Variants in MAGI2 observed in about 807,000 individuals in gnomAD.
The protein encoded by MAGI2 is membrane-associated guanylate kinase, WW and PDZ domain-containing protein 2.
A neutral mutation model predicts 133.3 loss-of-function variants in MAGI2; 35 were observed. That is an observed-to-expected ratio of 0.26 (90% CI 0.20 to 0.35). The LOEUF is 0.35. Ranked by LOEUF, MAGI2 falls within the 10% of genes least tolerant of loss-of-function variation. MAGI2 has a pLI of 1.00. For synonymous variants in MAGI2, 729 were observed against 710.6 expected, an observed-to-expected ratio of 1.03 and a Z score of -0.41; for missense variants, 1,636 against 1,863.4, an observed-to-expected ratio of 0.88 and a Z score of 2.25.
intron 20 of MAGI2, among the ~76,000 whole-genome samples, chr7:78,111,627 C>G (rs1466883834): frequency 6.6e-6 from 1 of 152,212 alleles, no homozygotes; most frequent in Admixed American, 6.5e-5. Context: ...TCGTGTAACT[C>G]ATTTAACACA....
intron 3 of MAGI2, among the ~76,000 whole-genome samples, chr7:78,564,877 T>C (rs1800780832): frequency 7.6e-6 from 1 of 130,838 alleles, no homozygotes; most frequent in African/African-American, 2.8e-5. Context: ...CACTGCAAGC[T>C]CCGCCTCCCG....
chr7:78,410,318 A>AAT (rs1797758754), intron 6 of MAGI2, among the ~76,000 whole-genome samples: 1 of 152,066 alleles, frequency 6.6e-6, no homozygotes, highest in Non-Finnish European at 1.5e-5. Context: ...TGAATATAAA[A>AAT]ATAACATTTT....
At chr7:79,054,110 C>T (rs1400639164) in intron 1 of MAGI2, among the ~76,000 whole-genome samples, 1 of 152,060 alleles carries the variant, frequency 6.6e-6, no homozygotes, top group Non-Finnish European at 1.5e-5. Context: ...GAGGGAGAAT[C>T]GCTTGAACCC....
intron 2 of MAGI2, among the ~76,000 whole-genome samples, chr7:78,839,760 C>A (rs1791963436): frequency 6.6e-6 from 1 of 152,026 alleles, no homozygotes; most frequent in African/African-American, 2.4e-5. Context: ...GGACACAGAG[C>A]CAAACCATAT....
At chr7:78,569,147 C>CACACAT (rs149722220) in intron 3 of MAGI2, among the ~76,000 whole-genome samples, 19 of 150,568 alleles carry the variant, frequency 1.3e-4, no homozygotes, top group Middle Eastern at 3.4e-3. Flanking sequence ...CACACACACA[C>CACACAT]GTCACTATTC....
At chr7:79,030,386 T>C (rs1003686813) in intron 1 of MAGI2, 8 of 152,144 alleles carry the variant, frequency 5.3e-5, no homozygotes, top group African/African-American at 1.9e-4. Flanking sequence ...AGGAGAGCGA[T>C]TGAGAAAATG....
At chr7:79,139,610 G>A (rs1337883407) in intron 1 of MAGI2, among the ~76,000 whole-genome samples, 3 of 152,144 alleles carry the variant, frequency 2.0e-5, no homozygotes, top group Admixed American at 2.0e-4. Context: ...AGTATTACCC[G>A]TAGCTAAGGA....
chr7:78,565,888 C>CA (rs1162829560), intron 3 of MAGI2, among the ~76,000 whole-genome samples: 1 of 152,154 alleles, frequency 6.6e-6, no homozygotes, highest in African/African-American at 2.4e-5. Flanking sequence ...ATAATTTTGG[C>CA]ATCCCGGGCT....
At chr7:78,797,925 A>AACC (rs1787751275) in intron 2 of MAGI2, among the ~76,000 whole-genome samples, 2 of 152,158 alleles carry the variant, frequency 1.3e-5, no homozygotes, top group African/African-American at 4.8e-5. Context: ...CACATTAATA[A>AACC]TGTCCATTCT....
intron 9 of MAGI2, among the ~76,000 whole-genome samples, chr7:78,341,005 G>C (rs894699180): frequency 1.3e-5 from 2 of 152,146 alleles, no homozygotes; most frequent in African/African-American, 2.4e-5. Context: ...TAGAAAAAGA[G>C]GAAGTCAAAT....
intron 2 of MAGI2, among the ~76,000 whole-genome samples, chr7:78,680,663 C>T (rs1189669232): frequency 6.6e-6 from 1 of 152,184 alleles, no homozygotes. Context: ...GATTTAAACA[C>T]TTTGATTTGT....
chr7:78,787,969 T>A (rs1379895637), intron 2 of MAGI2, among the ~76,000 whole-genome samples: 1 of 152,240 alleles, frequency 6.6e-6, no homozygotes, highest in Admixed American at 6.5e-5. Context: ...TATAACATAG[T>A]CAGCTACCCT....
chr7:78,768,710 G>C (rs1825273432), intron 2 of MAGI2, among the ~76,000 whole-genome samples: 1 of 152,148 alleles, frequency 6.6e-6, no homozygotes, highest in South Asian at 2.1e-4. Context: ...AGCATCTGAA[G>C]TGTTTCCAAA....
intron 6 of MAGI2, among the ~76,000 whole-genome samples, chr7:78,421,748 G>A (rs1009945865): frequency 7.2e-5 from 11 of 152,132 alleles, no homozygotes; most frequent in African/African-American, 2.7e-4. Flanking sequence ...AGGCTGCAGT[G>A]GGCCGTGATA....
intron 2 of MAGI2, among the ~76,000 whole-genome samples, chr7:78,748,873 CA>C (rs1377722535): frequency 3.3e-5 from 5 of 152,126 alleles, no homozygotes; most frequent in African/African-American, 1.2e-4. Flanking sequence ...TTGCATAATT[CA>C]AGAATCTTGT....
intron 7 of MAGI2, among the ~76,000 whole-genome samples, chr7:78,356,827 T>G (rs376121722): frequency 6.6e-6 from 1 of 152,132 alleles, no homozygotes; most frequent in Non-Finnish European, 1.5e-5. Flanking sequence ...ATCCTCAATC[T>G]CACTGAGATT....
intron 1 of MAGI2, among the ~76,000 whole-genome samples, chr7:79,260,751 T>C (rs1338695048): frequency 2.0e-5 from 3 of 152,214 alleles, no homozygotes; most frequent in South Asian, 4.1e-4. Flanking sequence ...GCATATAAGA[T>C]GTATATGAAA....
intron 3 of MAGI2, among the ~76,000 whole-genome samples, chr7:78,564,106 A>T (rs1800684183): frequency 6.6e-6 from 1 of 152,312 alleles, no homozygotes; most frequent in Admixed American, 6.5e-5. Context: ...AAAGATCACA[A>T]CCAAATATGC....
At chr7:79,246,036 A>C (rs1832800521) in intron 1 of MAGI2, among the ~76,000 whole-genome samples, 1 of 152,236 alleles carries the variant, frequency 6.6e-6, no homozygotes, top group Admixed American at 6.5e-5. Context: ...GGGCAGTAAC[A>C]TATAGACCAA....
Sources: gnomAD v4.1 joint callset for allele counts (sites outside exome capture counted in the v4.1 genomes callset) on GRCh38, gnomAD v4.1.1 for gene constraint, MANE v1.5 for transcripts, NCBI Gene and HGNC (gene_info 2026-07-23, HGNC 2026-07-21) for gene names.